The following SETBP1 variants were observed in gnomAD, a reference collection of about 807,000 sequenced individuals.
The protein encoded by SETBP1 is SET-binding protein.
In SETBP1, 9 loss-of-function variants were observed where a neutral mutation model predicts 101.0. The observed-to-expected ratio is 0.09, with a 90% CI of 0.05 to 0.16. SETBP1 has a LOEUF of 0.16. Among genes scored for constraint, SETBP1 ranks in the 10% least tolerant of loss-of-function variants. The pLI is 1.00. For missense variants in SETBP1, 1,858 were observed against 2,033.8 expected (o/e 0.91, Z 1.66); for synonymous variants, 818 against 788.5 (o/e 1.04, Z -0.63).
chr18:45,035,267 GAGAA>G (rs1264522718), intron 4 of SETBP1, among the ~76,000 whole-genome samples: 2 of 152,184 alleles, frequency 1.3e-5, no homozygotes, highest in Non-Finnish European at 2.9e-5. Flanking sequence ...AAAAATGGCT[GAGAA>G]AAATGTCTGG....
chr18:44,915,265 A>G (rs1461163004), intron 3 of SETBP1, among the ~76,000 whole-genome samples: 1 of 152,194 alleles, frequency 6.6e-6, no homozygotes, highest in Non-Finnish European at 1.5e-5. Context: ...AAATGTCATT[A>G]AGGACTGATC....
chr18:44,852,140 A>C (rs2072881179), intron 2 of SETBP1, among the ~76,000 whole-genome samples: 1 of 152,254 alleles, frequency 6.6e-6, no homozygotes, highest in African/African-American at 2.4e-5. Context: ...GCCCCGCTCA[A>C]TAATGAGATG....
At chr18:44,860,563 T>A (rs2068981468) in intron 2 of SETBP1, among the ~76,000 whole-genome samples, 1 of 151,924 alleles carries the variant, frequency 6.6e-6, no homozygotes, top group South Asian at 2.1e-4. Context: ...GCCTGGCCAA[T>A]GTGGCAAAAT....
At chr18:44,988,008 A>G (rs550467512) in intron 4 of SETBP1, 1 of 152,330 alleles carries the variant, frequency 6.6e-6, no homozygotes, top group East Asian at 1.9e-4. Flanking sequence ...ATATTCTCCT[A>G]AGATAAGCAA....
At chr18:45,026,127 T>C (rs2073160083) in intron 4 of SETBP1, among the ~76,000 whole-genome samples, 1 of 152,222 alleles carries the variant, frequency 6.6e-6, no homozygotes, top group Non-Finnish European at 1.5e-5. Context: ...CATTGATTAC[T>C]AAGTCCTTCA....
Position 44,950,262 on chromosome 18 carries a change from T to G in SETBP1, c.922T>G (p.Cys308Gly). The G allele has an allele frequency of 6.2e-7, 1 of 1,613,900 alleles. No individual in the cohort carries two copies. The highest frequency in any genetic ancestry group is 8.5e-7 in the Non-Finnish European group (1 of 1,180,016). ...SPAPPSSSAE[C>G]NGLQPLVDQD... ...AGCCCCACCCAGCAGCTCTGCTGAGTGCAACGGGCTTCAGCCCTTGGTGGA... is the reference window on the plus strand; with the variant it reads ...AGCCCCACCCAGCAGCTCTGCTGAGGGCAACGGGCTTCAGCCCTTGGTGGA... The change falls in exon 4 of 6, where the codon TGC becomes GGC. Residue 308 changes from cysteine to glycine, a missense_variant. Transcript: ENST00000649279.
At chr18:44,947,169 A>G (rs990403461) in intron 3 of SETBP1, among the ~76,000 whole-genome samples, 6 of 152,178 alleles carry the variant, frequency 3.9e-5, no homozygotes, top group African/African-American at 1.2e-4. Context: ...TGCAACAAAG[A>G]TAAGTTACAT....
chr18:44,926,277 G>A (rs2070703076), intron 3 of SETBP1, among the ~76,000 whole-genome samples: 1 of 152,122 alleles, frequency 6.6e-6, no homozygotes, highest in African/African-American at 2.4e-5. Flanking sequence ...ACCTGCAGCT[G>A]CAACATGCCT....
At chr18:44,764,401 CTGT>C (rs760322015) in intron 2 of SETBP1, among the ~76,000 whole-genome samples, 2 of 152,134 alleles carry the variant, frequency 1.3e-5, no homozygotes, top group Non-Finnish European at 1.5e-5. Flanking sequence ...CTAACTACCT[CTGT>C]TGTTGTTGTT....
chr18:44,849,745 T>C (rs529773924), intron 2 of SETBP1, among the ~76,000 whole-genome samples: 1 of 151,936 alleles, frequency 6.6e-6, no homozygotes, highest in African/African-American at 2.4e-5. Context: ...CTTGAGCAAA[T>C]GACATAACCT....
At chr18:44,821,290 G>A (rs2072110553) in intron 2 of SETBP1, among the ~76,000 whole-genome samples, 1 of 152,178 alleles carries the variant, frequency 6.6e-6, no homozygotes, top group African/African-American at 2.4e-5. Context: ...TCCAAACTCT[G>A]GAAGGTGGAA....
intron 1 of SETBP1, among the ~76,000 whole-genome samples, chr18:44,695,695 T>A (rs150461640): frequency 5.4e-3 from 820 of 152,356 alleles, no homozygotes; most frequent in Non-Finnish European, 8.9e-3. Flanking sequence ...AGCCGAGTAC[T>A]CTTCCTGTGT....
rs1320301176 is a variant in SETBP1 at position 45,063,719 on chromosome 18, C to G, written c.*21C>G. 1 of 1,597,686 alleles carries G rather than the reference C, an allele frequency of 6.3e-7. No homozygotes were observed. ...CCTAGGGCGGGTCTGGGCGTCTGCA[C>G]CTGGGGCCTAGGGAACTGACACGTG... On this transcript the variant is annotated 3_prime_UTR_variant, in exon 6 of 6. Transcript: ENST00000649279.
intron 2 of SETBP1, among the ~76,000 whole-genome samples, chr18:44,753,814 C>T (rs568356046): frequency 3.3e-5 from 5 of 152,186 alleles, no homozygotes; most frequent in African/African-American, 7.2e-5. Context: ...GAATCATAGT[C>T]GTGAATGGGA....
At chr18:44,837,214 A>G (rs187506777) in intron 2 of SETBP1, among the ~76,000 whole-genome samples, 5 of 152,332 alleles carry the variant, frequency 3.3e-5, no homozygotes, top group African/African-American at 1.2e-4. Flanking sequence ...CACTGTCCAT[A>G]TAAGGCAAGT....
intron 2 of SETBP1, among the ~76,000 whole-genome samples, chr18:44,753,050 G>A (rs1293142147): frequency 6.6e-6 from 1 of 152,124 alleles, no homozygotes; most frequent in Non-Finnish European, 1.5e-5. Flanking sequence ...CTGAAAGCTG[G>A]GACAATTATG....
intron 2 of SETBP1, among the ~76,000 whole-genome samples, chr18:44,864,710 C>A (rs546811035): frequency 1.3e-5 from 2 of 152,250 alleles, no homozygotes; most frequent in African/African-American, 4.8e-5. Flanking sequence ...CCTCTCGACC[C>A]TCTAGCTGGG....
chr18:44,803,784 A>G (rs1381703390), intron 2 of SETBP1, among the ~76,000 whole-genome samples: 6 of 151,790 alleles, frequency 4.0e-5, no homozygotes, highest in African/African-American at 1.5e-4. Flanking sequence ...CACTTTATCC[A>G]CCTCTAAACA....
chr18:44,982,729 G>A (rs1239264948), intron 4 of SETBP1, among the ~76,000 whole-genome samples: 1 of 152,092 alleles, frequency 6.6e-6, no homozygotes, highest in African/African-American at 2.4e-5. Context: ...ATTTCTGCTG[G>A]TTTATGAAGG....
Sources: allele counts gnomAD v4.1 joint callset (sites outside exome capture counted in the v4.1 genomes callset), GRCh38; gene constraint gnomAD v4.1.1; transcripts MANE v1.5; gene names NCBI Gene and HGNC (gene_info 2026-07-23, HGNC 2026-07-21).